Variants in TSR2 observed in about 807,000 individuals in gnomAD.
TSR2 encodes the protein TSR2 ribosome maturation factor.
A neutral mutation model predicts 13.3 loss-of-function variants in TSR2; 1 was observed. The observed-to-expected ratio is 0.08, with a 90% confidence interval of 0.03 to 0.36. The LOEUF is 0.36. Among genes scored for constraint, TSR2 ranks in the 10% least tolerant of loss-of-function variants. TSR2 has a pLI of 0.99. For synonymous variants in TSR2, 60 were observed against 57.7 expected, an observed-to-expected ratio of 1.04 and a Z score of -0.18; for missense variants, 120 against 151.1, an observed-to-expected ratio of 0.79 and a Z score of 1.08.
chrX:54,443,579 A>G (rs948494560), intron 3 of TSR2, 88 bp downstream of exon 3: 5 of 669,986 alleles, frequency 7.5e-6, no homozygotes, highest in Admixed American at 7.2e-5. Context: ...ACTCTTGACT[A>G]TGACTCTGTT....
intron 2 of TSR2, among the ~76,000 whole-genome samples, chrX:54,442,182 A>G (rs1921961193): frequency 8.9e-6 from 1 of 111,879 alleles, no homozygotes; most frequent in Admixed American, 9.6e-5. Context: ...GGAAATAATC[A>G]GTATGAAGCA....
chrX:54,440,611 C>A, intron 1 of TSR2, 79 bp from the exon 2 acceptor site: 1 of 1,137,190 alleles, frequency 8.8e-7, no homozygotes. Flanking sequence ...GAGGAGTTGG[C>A]TGGGCGGCGT....
At chrX:54,443,565 C>A in intron 3 of TSR2, 74 bp downstream of exon 3, 1 of 787,493 alleles carries the variant, frequency 1.3e-6, no homozygotes, top group Non-Finnish European at 1.8e-6. Context: ...TGTTTTGGGC[C>A]AAGACTCTTG....
At position 54,446,099 on chromosome X, in the gene TSR2, C is replaced by T; in HGVS notation, c.*1549C>T. On this transcript the variant is annotated 3_prime_UTR_variant, in exon 5 of 5. Transcript: ENST00000375151. ...TGTGGGGTGGGGGCTCCCAGTTTGT[C>T]CCAAACCCTCTAGGTCTTGTCTCGG... 1 of 1,199,999 alleles carries T rather than the reference C, an allele frequency of 8.3e-7. No homozygotes were observed. The highest frequency in any genetic ancestry group is 1.1e-6 in the Non-Finnish European group (1 of 889,491).
rs1004933782 is a variant in TSR2 at position 54,444,614 on chromosome X, T to G, written c.*64T>G. On this transcript the variant is annotated 3_prime_UTR_variant, in exon 5 of 5. Transcript: ENST00000375151. ...TGTTCTAAGAGTTGTCTGTAGGGGTTTTTTTTTTGAGGATTGCAGACCTGT... is the reference window on the plus strand; with the variant it reads ...TGTTCTAAGAGTTGTCTGTAGGGGTGTTTTTTTTGAGGATTGCAGACCTGT... The G allele has an allele frequency of 2.5e-5, 28 of 1,108,452 alleles. No individual in the cohort carries two copies. The highest frequency in any genetic ancestry group is 8.7e-5 in the South Asian group (4 of 46,218). 91.3% of individuals were successfully genotyped at this position (1,108,452 alleles called of 1,213,427 possible).
At chrX:54,443,640 T>C (rs747203644) in intron 3 of TSR2, 149 bp downstream of exon 3, 4 of 463,301 alleles carry the variant, frequency 8.6e-6, no homozygotes, top group Non-Finnish European at 1.4e-5. Flanking sequence ...TCTTTATTTC[T>C]ATACATCATT....
Position 54,440,432 on chromosome X carries a change from C to T in TSR2, c.11C>T (p.Ala4Val). The change falls in exon 1 of 5, where the codon GCT becomes GTT. Residue 4 changes from alanine to valine, a missense_variant. Physicochemically the swap from Ala to Val is moderately conservative, Grantham distance 64 (BLOSUM62 0). Transcript: ENST00000375151. MAG[A>V]AEDARALFRA... ...GACTGGGGCCGGATAATGGCGGGCG[C>T]TGCAGAAGATGCGCGAGCTCTTTTC... 8.9e-7 allele frequency: 1 copy of T among 1,122,960 alleles called. No homozygotes were observed. The highest frequency in any genetic ancestry group is 2.3e-5 in the South Asian group (1 of 44,260). The allele number at this position is 1,122,960 out of a possible 1,213,427, so 92.5% of individuals were successfully genotyped here.
At position 54,446,184 on chromosome X, in the gene TSR2, C is replaced by A. The variant is rs760250901; in HGVS notation, c.*1634C>A. 8.3e-7 allele frequency: 1 copy of A among 1,211,445 alleles called. No homozygotes were observed. The highest frequency in any genetic ancestry group is 1.1e-6 in the Non-Finnish European group (1 of 895,261). On this transcript the variant is annotated 3_prime_UTR_variant, in exon 5 of 5. Coordinates refer to ENST00000375151, the MANE Select transcript of TSR2 (RefSeq NM_058163.3). ...CTAAAGCAGCCACCGGTGCCTCCTC[C>A]ATCTCCCTGTCCTCAGACAGTGTGG...
chrX:54,440,495 C>T lies in TSR2; in HGVS notation c.74C>T (p.Ala25Val). The T allele has an allele frequency of 4.4e-6, 5 of 1,140,018 alleles. No individual in the cohort carries two copies. The highest frequency in any genetic ancestry group is 2.5e-4 in the Middle Eastern group (1 of 4,013). 94.0% of individuals were successfully genotyped at this position (1,140,018 alleles called of 1,213,427 possible). The change falls in exon 1 of 5, where the codon GCC becomes GTC. Residue 25 changes from alanine (A) to valine (V), a missense_variant. Transcript: ENST00000375151. Reference protein sequence around the residue: ...GVCAALEAWPALQIAVENGFG... With the variant: ...GVCAALEAWPVLQIAVENGFG... ...TGCGCGGCCCTGGAGGCCTGGCCGG[C>T]CTTGCAGGTCAGTGGGGCCAGGGCC...
At chrX:54,443,528 C>A in intron 3 of TSR2, 37 bp downstream of exon 3, 1 of 1,014,852 alleles carries the variant, frequency 9.9e-7, no homozygotes, top group Non-Finnish European at 1.4e-6. Context: ...GTCTCCCTAC[C>A]TGTAGTCTTT....
In TSR2 at chrX:54,446,085, G is replaced by C; in HGVS notation, c.*1535G>C. 8.6e-7 allele frequency: 1 copy of C among 1,169,450 alleles called. No individual in the cohort carries two copies. On this transcript the variant is annotated 3_prime_UTR_variant, in exon 5 of 5. Transcript: ENST00000375151. Reference sequence around the variant, plus strand: ...ATGGGCAACTAGAGTGTGGGGTGGGGGCTCCCAGTTTGTCCCAAACCCTCT... The same window carrying C: ...ATGGGCAACTAGAGTGTGGGGTGGGCGCTCCCAGTTTGTCCCAAACCCTCT...
rs1922166293 is a variant in TSR2, at chrX:54,446,205, T to C, written c.*1655T>C. 4 of 1,211,613 alleles carry C rather than the reference T, an allele frequency of 3.3e-6. No individual in the cohort carries two copies. Among genetic ancestry groups the C allele is most frequent in the Non-Finnish European group, 4.5e-6 (4 of 895,301 alleles). ...CCTCCATCTCCCTGTCCTCAGACAG[T>C]GTGGGCCCCGGGCAGAACGTGTCCC... On this transcript the variant is annotated 3_prime_UTR_variant, in exon 5 of 5. Transcript: ENST00000375151.
chrX:54,446,375 C>G lies in TSR2; in HGVS notation c.*1825C>G. ...TCCCCTGCCTCGGGCGGTCCCACCT[C>G]GAAGCCAATGAGGGGCAGGCTGCGC... On this transcript the variant is annotated 3_prime_UTR_variant, in exon 5 of 5. Coordinates refer to ENST00000375151, the MANE Select transcript of TSR2 (RefSeq NM_058163.3). 8.3e-7 allele frequency: 1 copy of G among 1,210,879 alleles called. No individual in the cohort carries two copies. Among genetic ancestry groups the G allele is most frequent in the Non-Finnish European group, 1.1e-6 (1 of 895,115 alleles).
At chrX:54,442,538 T>A (rs1921973498) in intron 2 of TSR2, among the ~76,000 whole-genome samples, 1 of 110,742 alleles carries the variant, frequency 9.0e-6, no homozygotes, top group African/African-American at 3.3e-5. Context: ...TAAGTTTGAG[T>A]GGTAGGGAAA....
rs1463756328 is a variant in TSR2, at chrX:54,446,898, AT to A, written c.*2353del. 1.8e-5 allele frequency among the ~76,000 whole-genome samples: 2 copies of A among 109,226 alleles called. No homozygotes were observed. The highest frequency in any genetic ancestry group is 3.8e-5 in the Non-Finnish European group (2 of 52,532). 94.8% of individuals were successfully genotyped at this position (109,226 alleles called of 115,157 possible). ...GTCACCACGCCAGGCTAATTTTTGT[AT>A]TTTTAGTAGAGACGGGGTTTCACCA... On this transcript the variant is annotated 3_prime_UTR_variant, in exon 5 of 5. Coordinates refer to ENST00000375151, the MANE Select transcript of TSR2 (RefSeq NM_058163.3).
chrX:54,446,138 C>T lies in TSR2; in HGVS notation c.*1588C>T, dbSNP rs781589438. ...GTCTTGTCTCGGGTCTGGGGGGATT[C>T]GGGGGGTTCAGCAGTGGCTCCTAAA... On this transcript the variant is annotated 3_prime_UTR_variant, in exon 5 of 5. Coordinates refer to ENST00000375151, the MANE Select transcript of TSR2 (RefSeq NM_058163.3). The T allele has an allele frequency of 7.4e-6, 9 of 1,210,190 alleles. No individual in the cohort carries two copies. Among genetic ancestry groups the T allele is most frequent in the South Asian group, 5.3e-5 (3 of 56,753 alleles).
chrX:54,442,136 G>T (rs1200622312), intron 2 of TSR2, among the ~76,000 whole-genome samples: 1 of 112,200 alleles, frequency 8.9e-6, no homozygotes, highest in Non-Finnish European at 1.9e-5. Context: ...GTTCTAGGGT[G>T]AGAAATAGGA....
rs1025644125 is a variant in TSR2 at position 54,446,616 on chromosome X, C to T, written c.*2066C>T. On this transcript the variant is annotated 3_prime_UTR_variant, in exon 5 of 5. Coordinates refer to ENST00000375151, the MANE Select transcript of TSR2 (RefSeq NM_058163.3). ...AATGCAGGCTGGTTTAAATACCTGT[C>T]TCCCCCCACCCCCGCCTCTTCTCAC... 1.8e-5 allele frequency among the ~76,000 whole-genome samples: 2 copies of T among 110,301 alleles called. No homozygotes were observed. Among genetic ancestry groups the T allele is most frequent in the African/African-American group, 6.6e-5 (2 of 30,278 alleles).
In TSR2 at chrX:54,446,617, TC is replaced by T. The variant is rs775973370; in HGVS notation, c.*2073del. 7.2e-4 allele frequency among the ~76,000 whole-genome samples: 78 copies of T among 107,686 alleles called. No individual in the cohort carries two copies. The highest frequency in any genetic ancestry group is 4.9e-3 in the Middle Eastern group (1 of 203). The allele number at this position is 107,686 out of a possible 115,157, so 93.5% of individuals were successfully genotyped here. A position where few individuals can be genotyped will look rare whatever the true frequency, so the allele number is the denominator to read the frequency against. On this transcript the variant is annotated 3_prime_UTR_variant, in exon 5 of 5. Transcript: ENST00000375151. Reference sequence around the variant, plus strand: ...ATGCAGGCTGGTTTAAATACCTGTCTCCCCCCACCCCCGCCTCTTCTCACAA... The same window carrying T: ...ATGCAGGCTGGTTTAAATACCTGTCTCCCCCACCCCCGCCTCTTCTCACAA...
Sources: allele counts gnomAD v4.1 joint callset (sites outside exome capture counted in the v4.1 genomes callset), GRCh38; gene constraint gnomAD v4.1.1; transcripts MANE v1.5; gene names NCBI Gene and HGNC (gene_info 2026-07-23, HGNC 2026-07-21).